The following WNT16 variants were observed in gnomAD, a reference collection of about 807,000 sequenced individuals.
WNT16 encodes Wnt family member 16.
Under a neutral mutation model 35.4 loss-of-function variants are expected in WNT16, and 20 were observed. The observed-to-expected ratio is 0.56, with a 90% CI of 0.40 to 0.82. The LOEUF (loss-of-function observed/expected upper bound fraction) is 0.82, where lower values mean the gene tolerates loss of function less well. Ranked by LOEUF, WNT16 falls within the 40% of genes least tolerant of loss-of-function variation. The pLI is 0.00. For synonymous variants in WNT16, 180 were observed against 179.2 expected (o/e 1.00, Z -0.03); for missense variants, 461 against 466.0 (o/e 0.99, Z 0.10).
upstream of WNT16, among the ~76,000 whole-genome samples, chr7:121,328,203 A>G (rs2116829608): frequency 6.6e-6 from 1 of 152,248 alleles, no homozygotes; most frequent in East Asian, 1.9e-4. Flanking sequence ...AGGTTGGGGG[A>G]GAAGGGCAGG....
In WNT16 at chr7:121,340,477, T is replaced by G. The variant is rs1268900205; in HGVS notation, c.*1132T>G. 6.6e-6 allele frequency: 1 copy of G among 152,088 alleles called. No homozygotes were observed. Among genetic ancestry groups the G allele is most frequent in the African/African-American group, 2.4e-5 (1 of 41,440 alleles). 9.4% of individuals were successfully genotyped at this position (152,088 alleles called of 1,614,324 possible). ...AGCAGTTAGTTATATGGATGTGTATTTCTTGCTAAAATGACAGTTTTATAT... is the reference window on the plus strand; with the variant it reads ...AGCAGTTAGTTATATGGATGTGTATGTCTTGCTAAAATGACAGTTTTATAT... On this transcript the variant is annotated 3_prime_UTR_variant, in exon 4 of 4. Coordinates refer to ENST00000222462, the MANE Select transcript of WNT16 (RefSeq NM_057168.2).
chr7:121,332,946 A>G (rs1015159307), intron 3 of WNT16, among the ~76,000 whole-genome samples: 2 of 152,064 alleles, frequency 1.3e-5, no homozygotes, highest in Admixed American at 1.3e-4. Context: ...CACATTAGTG[A>G]ATATTGACAC....
chr7:121,329,547 C>T lies in WNT16; in HGVS notation c.96-20C>T. The T allele has an allele frequency of 6.2e-7, 1 of 1,611,790 alleles. No individual in the cohort carries two copies. Among genetic ancestry groups the T allele is most frequent in the South Asian group, 1.1e-5 (1 of 91,018 alleles). The stretch of plus-strand genomic sequence containing the variant: ...GGAATTGGGGAGCGGCTTAACGCTA[C>T]GGGCGGCCGTGTCTTACAGGTGGTT... On this transcript the variant is annotated intron_variant, in intron 1 of 3. Coordinates refer to ENST00000222462, the MANE Select transcript of WNT16 (RefSeq NM_057168.2).
At chr7:121,326,531 C>T (rs139537322), upstream of WNT16, among the ~76,000 whole-genome samples, 2,692 of 152,242 alleles carry the variant, frequency 0.018, 29 homozygotes, top group Middle Eastern at 0.044. Context: ...TATCTGGATG[C>T]GTAGATGGTG....
At chr7:121,328,990 C>G, upstream of WNT16, 1 of 1,127,416 alleles carries the variant, frequency 8.9e-7, no homozygotes, top group African/African-American at 1.6e-5. Context: ...GATGGAGACG[C>G]GGATACATCA....
At chr7:121,336,609 G>A (rs886110040) in intron 3 of WNT16, among the ~76,000 whole-genome samples, 2 of 152,142 alleles carry the variant, frequency 1.3e-5, no homozygotes, top group African/African-American at 2.4e-5. Context: ...AGCCCAGCCG[G>A]CTCAAAACAA....
chr7:121,331,531 T>A (rs945685011), intron 2 of WNT16, 147 bp from the exon 3 acceptor site: 7 of 701,158 alleles, frequency 1.0e-5, no homozygotes, highest in Non-Finnish European at 1.6e-5. Flanking sequence ...AGAGCAAATC[T>A]TCCTTTCTAA....
At chr7:121,335,407 C>T (rs765719603) in intron 3 of WNT16, among the ~76,000 whole-genome samples, 6 of 152,056 alleles carry the variant, frequency 3.9e-5, no homozygotes, top group Non-Finnish European at 5.9e-5. Context: ...AGATTAAATG[C>T]TACCCTCCTG....
chr7:121,336,646 G>A (rs1202445847), intron 3 of WNT16, among the ~76,000 whole-genome samples: 2 of 152,188 alleles, frequency 1.3e-5, no homozygotes, highest in Non-Finnish European at 2.9e-5. Flanking sequence ...GCAGTGACAT[G>A]TGTTTAAGAA....
At chr7:121,328,596 G>C (rs2116829957), upstream of WNT16, among the ~76,000 whole-genome samples, 1 of 152,262 alleles carries the variant, frequency 6.6e-6, no homozygotes, top group Non-Finnish European at 1.5e-5. Flanking sequence ...TTATTCTCCT[G>C]TGAGGTGAAG....
At chr7:121,325,564 A>G (rs760168528), upstream of WNT16, 1 of 1,365,998 alleles carries the variant, frequency 7.3e-7, no homozygotes, top group Non-Finnish European at 1.0e-6. Context: ...GTAAGGAACC[A>G]TAGACACCAG....
chr7:121,329,624 G>T lies in WNT16; in HGVS notation c.153G>T (p.Pro51=), dbSNP rs1793304778. The T allele has an allele frequency of 4.3e-6, 7 of 1,614,218 alleles. No homozygotes were observed. The East Asian group carries it at 1.3e-4, about 31-fold the overall frequency. The part of the protein sequence containing the change: ...VPEKLGCANL[P]LNSRQKELCK... ...AGAAGCTGGGCTGCGCCAATTTGCC[G>T]CTGAACAGCCGCCAGAAGGAGCTGT... Residue 51 remains proline, a synonymous_variant, in exon 2 of 4, where the codon CCG becomes CCT. Transcript: ENST00000222462.
chr7:121,331,455 C>G (rs975360344), intron 2 of WNT16, among the ~76,000 whole-genome samples: 1 of 151,688 alleles, frequency 6.6e-6, no homozygotes, highest in Non-Finnish European at 1.5e-5. Context: ...TATGACCATA[C>G]AGTATATGAC....
chr7:121,331,874 G>C lies in WNT16; in HGVS notation c.543G>C (p.Lys181Asn), dbSNP rs948980001. 1 of 1,614,164 alleles carries C rather than the reference G, an allele frequency of 6.2e-7. No individual in the cohort carries two copies. The highest frequency in any genetic ancestry group is 1.3e-5 in the African/African-American group (1 of 75,050). ...DVQYGMWFSR[K>N]FLDFPIGNTT... ...AGTATGGCATGTGGTTCAGCAGAAA[G>C]TTCCTAGATTTCCCCATCGGAAACA... Residue 181 changes from lysine (K) to asparagine (N), a missense_variant, in exon 3 of 4, where the codon AAG becomes AAC. Physicochemically the swap from Lys to Asn is moderately conservative, Grantham distance 94. Transcript: ENST00000222462.
Position 121,329,458 on chromosome 7 carries a change from A to C in WNT16, c.95+71A>C, listed in dbSNP as rs192779005. On this transcript the variant is annotated intron_variant, in intron 1 of 3. Transcript: ENST00000222462. ...GGTGCCCAATCCTAGGGAACTTTCA[A>C]CTGAGGCTGGGGGAGAAGGGCGGGG... is the stretch of plus-strand genomic sequence containing the variant. The C allele has an allele frequency of 6.3e-5, 100 of 1,589,760 alleles. No homozygotes were observed. The Admixed American group carries it at 8.0e-4, about 13-fold the overall frequency.
chr7:121,325,556 A>G, upstream of WNT16: 1 of 1,450,386 alleles, frequency 6.9e-7, no homozygotes, highest in Non-Finnish European at 9.5e-7. Context: ...ATTGTGACGT[A>G]AGGAACCATA....
At chr7:121,328,671 T>G (rs1258917745), upstream of WNT16, among the ~76,000 whole-genome samples, 3 of 152,154 alleles carry the variant, frequency 2.0e-5, no homozygotes, top group Non-Finnish European at 4.4e-5. Flanking sequence ...CAGATGTTGG[T>G]GGGATGGGTG....
chr7:121,329,750 G>A lies in WNT16; in HGVS notation c.279G>A (p.Met93Ile). 4 of 1,609,442 alleles carry A rather than the reference G, an allele frequency of 2.5e-6. No individual in the cohort carries two copies. The highest frequency in any genetic ancestry group is 3.4e-6 in the Non-Finnish European group (4 of 1,179,810). The change falls in exon 2 of 4, where the codon ATG (methionine) becomes ATA (isoleucine). Residue 93 changes from methionine to isoleucine, a missense_variant. By Grantham distance (10) the Met-to-Ile change is conservative. Transcript: ENST00000222462. Reference protein sequence around the residue: ...SQFRHERWNCMITAAATTAPM... With the variant: ...SQFRHERWNCIITAAATTAPM... ...TCAGACACGAGAGATGGAACTGCAT[G>A]ATCACCGCCGCCGCCACTACCGCCC...
At chr7:121,326,997 A>G (rs1270133677), upstream of WNT16, among the ~76,000 whole-genome samples, 1 of 152,172 alleles carries the variant, frequency 6.6e-6, no homozygotes, top group Non-Finnish European at 1.5e-5. Context: ...TCACTCAATA[A>G]ATTTTGTTCA....
Sources: allele counts gnomAD v4.1 joint callset (sites outside exome capture counted in the v4.1 genomes callset), GRCh38; gene constraint gnomAD v4.1.1; transcripts MANE v1.5; gene names NCBI Gene and HGNC (gene_info 2026-07-23, HGNC 2026-07-21).